Variants in LIMCH1 observed in about 807,000 individuals in gnomAD.
LIMCH1 encodes the protein LIM and calponin homology domains 1.
LIMCH1 carries 113 observed loss-of-function variants against 176.5 expected under a neutral mutation model. The ratio of observed to expected loss-of-function variants is 0.64; its 90% CI spans 0.55 to 0.75. The LOEUF is 0.75. Among genes scored for constraint, LIMCH1 ranks in the 30% least tolerant of loss-of-function variants. The pLI is 0.00. For missense variants in LIMCH1, 1,674 were observed against 1,814.9 expected, an observed-to-expected ratio of 0.92 and a Z score of 1.41; for synonymous variants, 619 against 645.9, an observed-to-expected ratio of 0.96 and a Z score of 0.63.
intron 1 of LIMCH1, among the ~76,000 whole-genome samples, chr4:41,396,704 C>A (rs2057836994): frequency 6.6e-6 from 1 of 152,014 alleles, no homozygotes; most frequent in African/African-American, 2.4e-5. Context: ...AGTTCGAGAC[C>A]AGCCTGGCCA....
chr4:41,580,815 C>G (rs1041832078), intron 1 of LIMCH1, among the ~76,000 whole-genome samples: 3 of 151,962 alleles, frequency 2.0e-5, no homozygotes, highest in Non-Finnish European at 4.4e-5. Context: ...AAACTAAAGA[C>G]AAAGAAAATA....
chr4:41,674,942 C>G (rs766824467), intron 22 of LIMCH1, among the ~76,000 whole-genome samples: 1 of 152,028 alleles, frequency 6.6e-6, no homozygotes, highest in East Asian at 1.9e-4. Context: ...AATGATTTTC[C>G]CCCTGCATAA....
At chr4:41,670,460 A>G (rs1456792439) in intron 21 of LIMCH1, among the ~76,000 whole-genome samples, 1 of 152,226 alleles carries the variant, frequency 6.6e-6, no homozygotes, top group African/African-American at 2.4e-5. Context: ...CACTATCACC[A>G]TTAAGTATGA....
Position 41,499,548 on chromosome 4 carries a change from G to A in LIMCH1, c.167+4942G>A, listed in dbSNP as rs1014268630. Among the ~76,000 whole-genome samples, 14 of 152,340 alleles carry A rather than the reference G, an allele frequency of 9.2e-5. No individual in the cohort carries two copies. The East Asian group carries it at 2.1e-3, about 23-fold the overall frequency. On this transcript the variant is annotated intron_variant, in intron 2 of 26. Coordinates refer to the LIMCH1 transcript ENST00000313860. ...AAAAATCTAGGATCTGGCCGGGAGC[G>A]ATGGCTCACGCCTATAATTCTAGCA...
chr4:41,382,310 G>A (rs2055803440), intron 1 of LIMCH1, among the ~76,000 whole-genome samples: 3 of 151,872 alleles, frequency 2.0e-5, no homozygotes, highest in South Asian at 2.1e-4. Context: ...AAGTACAGAC[G>A]AGGCTAGAAA....
At chr4:41,635,679 A>G (rs1163009905) in intron 13 of LIMCH1, among the ~76,000 whole-genome samples, 3 of 152,360 alleles carry the variant, frequency 2.0e-5, no homozygotes, top group South Asian at 2.1e-4. Flanking sequence ...TTTCCTATCA[A>G]CAAGTGTTTA....
At chr4:41,487,909 C>T (rs1470427509) in intron 1 of LIMCH1, among the ~76,000 whole-genome samples, 3 of 139,050 alleles carry the variant, frequency 2.2e-5, no homozygotes, top group African/African-American at 8.2e-5. Flanking sequence ...GCCTTGGCCT[C>T]CCAAAGTGCT....
At chr4:41,594,677 C>A (rs927877808) in intron 1 of LIMCH1, among the ~76,000 whole-genome samples, 1 of 152,184 alleles carries the variant, frequency 6.6e-6, no homozygotes, top group Non-Finnish European at 1.5e-5. Context: ...TGGAAACAGA[C>A]CTGCAGTTAT....
At chr4:41,637,611 A>G (rs892827826) in intron 13 of LIMCH1, among the ~76,000 whole-genome samples, 1 of 152,228 alleles carries the variant, frequency 6.6e-6, no homozygotes, top group Non-Finnish European at 1.5e-5. Context: ...GAAGGAGAAA[A>G]TGAGTCTTAC....
At position 41,684,495 on chromosome 4, in the gene LIMCH1, G is replaced by A. The variant is rs1424916024; in HGVS notation, c.3944G>A (p.Gly1315Glu). 1 of 1,613,582 alleles carries A rather than the reference G, an allele frequency of 6.2e-7. No individual in the cohort carries two copies. Among genetic ancestry groups the A allele is most frequent in the East Asian group, 2.2e-5 (1 of 44,830 alleles). Residue 1315 changes from glycine (G) to glutamate (E), a missense_variant, in exon 27 of 32, where the codon GGA (glycine) becomes GAA (glutamate). Transcript: ENST00000503057. ...LDTEAGAPHC[G>E]TNPQLAQDPS... Reference sequence around the variant, plus strand: ...ACCGAGGCTGGGGCCCCACACTGTGGAACAAACCCACAGCTTGCTCAGGGT... The same window carrying A: ...ACCGAGGCTGGGGCCCCACACTGTGAAACAAACCCACAGCTTGCTCAGGGT...
At chr4:41,668,358 A>C (rs2094904271) in intron 21 of LIMCH1, among the ~76,000 whole-genome samples, 2 of 152,246 alleles carry the variant, frequency 1.3e-5, no homozygotes, top group Admixed American at 1.3e-4. Context: ...ATTAAAAATA[A>C]AGTGTCACAA....
At chr4:41,360,746 C>T (rs956096067), upstream of LIMCH1, 3 of 851,024 alleles carry the variant, frequency 3.5e-6, no homozygotes, top group East Asian at 3.6e-5. The surrounding 1 kb of genome is among the most constrained non-coding windows in gnomAD (Gnocchi z 4.5). Context: ...GGAGGGGAGG[C>T]CGGCGGGCGG....
Position 41,699,875 on chromosome 4 carries a change from T to C in LIMCH1, c.*2690T>C, listed in dbSNP as rs1273516974. 1 of 152,230 alleles carries C rather than the reference T, an allele frequency of 6.6e-6. No homozygotes were observed. The highest frequency in any genetic ancestry group is 1.9e-4 in the East Asian group (1 of 5,208). 9.4% of individuals were successfully genotyped at this position (152,230 alleles called of 1,614,324 possible). On this transcript the variant is annotated 3_prime_UTR_variant, in exon 32 of 32. Transcript: ENST00000503057. Reference sequence around the variant, plus strand: ...CTCATATGTGAGTCCGTCCAAAAGATGTTACTGCTCTGGGTGGGCCAGTGT... The same window carrying C: ...CTCATATGTGAGTCCGTCCAAAAGACGTTACTGCTCTGGGTGGGCCAGTGT...
chr4:41,469,647 T>C (rs1468407865), intron 1 of LIMCH1, among the ~76,000 whole-genome samples: 1 of 146,138 alleles, frequency 6.8e-6, no homozygotes, highest in Non-Finnish European at 1.5e-5. Context: ...TTTAGGATTA[T>C]GTCATAGCTT....
At chr4:41,431,611 A>C (rs980680851) in intron 1 of LIMCH1, among the ~76,000 whole-genome samples, 2 of 152,192 alleles carry the variant, frequency 1.3e-5, no homozygotes, top group Non-Finnish European at 2.9e-5. Flanking sequence ...TAACTTTCCA[A>C]GAAAATAAAT....
intron 1 of LIMCH1, among the ~76,000 whole-genome samples, chr4:41,480,646 T>G (rs181242876): frequency 6.6e-6 from 1 of 152,268 alleles, no homozygotes; most frequent in East Asian, 1.9e-4. Flanking sequence ...AGCAGCAACA[T>G]GATACCCAGG....
intron 1 of LIMCH1, among the ~76,000 whole-genome samples, chr4:41,428,218 C>T (rs776111153): frequency 6.6e-6 from 1 of 152,110 alleles, no homozygotes; most frequent in Non-Finnish European, 1.5e-5. Context: ...AACTCTGAGG[C>T]CAGTTGGTTT....
At chr4:41,397,768 A>T (rs2057962329) in intron 1 of LIMCH1, among the ~76,000 whole-genome samples, 1 of 152,176 alleles carries the variant, frequency 6.6e-6, no homozygotes, top group South Asian at 2.1e-4. Context: ...TCCCATTATG[A>T]TGGTGACTTT....
chr4:41,506,776 C>T (rs2074222394), intron 2 of LIMCH1, among the ~76,000 whole-genome samples: 1 of 152,134 alleles, frequency 6.6e-6, no homozygotes, highest in Non-Finnish European at 1.5e-5. Context: ...TTTCATAACA[C>T]TCTGGTCACA....
Sources: gnomAD v4.1 joint callset for allele counts (sites outside exome capture counted in the v4.1 genomes callset) on GRCh38, gnomAD v4.1.1 for gene constraint, Gnocchi (gnomAD v3.1) non-coding constraint, MANE v1.5 for transcripts, NCBI Gene and HGNC (gene_info 2026-07-23, HGNC 2026-07-21) for gene names.